Variants in KMO observed in about 807,000 individuals in gnomAD.
KMO encodes the protein kynurenine 3-hydroxylase.
Under a neutral mutation model 57.8 loss-of-function variants are expected in KMO, and 24 were observed. The ratio of observed to expected loss-of-function variants is 0.42; its 90% CI spans 0.30 to 0.58. The LOEUF (loss-of-function observed/expected upper bound fraction) is 0.58, where lower values mean the gene tolerates loss of function less well. KMO is among the 20% of genes least tolerant of loss of function. The probability of loss-of-function intolerance (pLI) is 0.22; values close to 1 mark genes in which losing one functional copy is unlikely to be tolerated. For missense variants in KMO, 483 were observed against 588.2 expected, an observed-to-expected ratio of 0.82 and a Z score of 1.85; for synonymous variants, 210 against 193.6, an observed-to-expected ratio of 1.08 and a Z score of -0.70.
At chr1:241,563,232 A>G (rs1300773202) in intron 7 of KMO, among the ~76,000 whole-genome samples, 1 of 152,180 alleles carries the variant, frequency 6.6e-6, no homozygotes, top group Non-Finnish European at 1.5e-5. Context: ...TAATGTTTTC[A>G]TGTTGTCATA....
intron 5 of KMO, 92 bp from the exon 6 acceptor site, chr1:241,560,573 C>G: frequency 4.4e-6 from 4 of 903,644 alleles, no homozygotes; most frequent in South Asian, 1.4e-5. Context: ...CTCTACCATA[C>G]TGTTCCCAGA....
chr1:241,557,280 G>A (rs1054124678), intron 5 of KMO, among the ~76,000 whole-genome samples: 8 of 152,188 alleles, frequency 5.3e-5, no homozygotes, highest in African/African-American at 1.9e-4. Context: ...CTACACTGTA[G>A]TTGCTTTTCC....
At chr1:241,539,075 T>C (rs561654238) in intron 1 of KMO, among the ~76,000 whole-genome samples, 2 of 152,214 alleles carry the variant, frequency 1.3e-5, no homozygotes, top group East Asian at 3.9e-4. Flanking sequence ...TATACACATC[T>C]GTAGTCTTAA....
intron 14 of KMO, among the ~76,000 whole-genome samples, chr1:241,591,245 G>C (rs1377960367): frequency 6.6e-6 from 1 of 152,124 alleles, no homozygotes; most frequent in Admixed American, 6.5e-5. Context: ...ATCCTTCAAG[G>C]AGGGATAAAA....
intron 2 of KMO, among the ~76,000 whole-genome samples, chr1:241,549,249 GAAA>G (rs1558414859): frequency 1.8e-3 from 46 of 24,994 alleles, no homozygotes; most frequent in African/African-American, 4.2e-3. Flanking sequence ...AAGAAAGAAA[GAAA>G]GAAAGAAAGA....
chr1:241,535,438 C>T (rs1660723287), intron 1 of KMO, among the ~76,000 whole-genome samples: 2 of 152,044 alleles, frequency 1.3e-5, no homozygotes, highest in African/African-American at 4.8e-5. Flanking sequence ...GGTAGCTTAC[C>T]ATGTCTAGTA....
At chr1:241,559,160 C>T (rs954791574) in intron 5 of KMO, among the ~76,000 whole-genome samples, 1 of 151,764 alleles carries the variant, frequency 6.6e-6, no homozygotes, top group African/African-American at 2.4e-5. Flanking sequence ...AATATGTAAT[C>T]AATATCAGAA....
At position 241,595,154 on chromosome 1, in the gene KMO, T is replaced by C. The variant is rs1663462900; in HGVS notation, c.*3001T>C. ...AATGTCTCTTTAATTAGGTGAAGAA[T>C]TTTTTTTTTCTATCGAAATTACTAA... On this transcript the variant is annotated 3_prime_UTR_variant, in exon 15 of 15. Transcript: ENST00000366559. 6.6e-6 allele frequency: 1 copy of C among 151,770 alleles called. No homozygotes were observed. Among genetic ancestry groups the C allele is most frequent in the South Asian group, 2.1e-4 (1 of 4,782 alleles). 9.4% of individuals were successfully genotyped at this position (151,770 alleles called of 1,614,324 possible). A position where few individuals can be genotyped will look rare whatever the true frequency, so the allele number is the denominator to read the frequency against.
intron 10 of KMO, among the ~76,000 whole-genome samples, chr1:241,568,973 A>G (rs1327881418): frequency 6.6e-6 from 1 of 152,160 alleles, no homozygotes; most frequent in Non-Finnish European, 1.5e-5. Context: ...GTTTTTGTAT[A>G]TAACCTACAG....
intron 1 of KMO, among the ~76,000 whole-genome samples, chr1:241,540,349 T>C (rs1002923293): frequency 1.3e-5 from 2 of 151,976 alleles, no homozygotes; most frequent in African/African-American, 4.8e-5. Context: ...ACTTGAGACA[T>C]TAAAACACAT....
At chr1:241,583,773 T>C (rs1248265860) in intron 10 of KMO, among the ~76,000 whole-genome samples, 1 of 150,478 alleles carries the variant, frequency 6.6e-6, no homozygotes, top group Non-Finnish European at 1.5e-5. Context: ...TGAGTCCATA[T>C]ATCCAGAACT....
chr1:241,539,666 A>G (rs961958234), intron 1 of KMO, among the ~76,000 whole-genome samples: 6 of 152,104 alleles, frequency 3.9e-5, no homozygotes, highest in Non-Finnish European at 7.4e-5. Context: ...TACGCTCTAG[A>G]CCATCAATAT....
chr1:241,562,077 A>C (rs959388567), intron 6 of KMO, 90 bp from the exon 7 acceptor site: 26 of 1,043,668 alleles, frequency 2.5e-5, no homozygotes, highest in Non-Finnish European at 3.4e-5. Flanking sequence ...TAAGTTATCT[A>C]TGGAGCCACT....
rs1663437126 is a variant in KMO, at chr1:241,594,510, G to C, written c.*2357G>C. 6 of 1,614,012 alleles carry C rather than the reference G, an allele frequency of 3.7e-6. No homozygotes were observed. Among genetic ancestry groups the C allele is most frequent in the Non-Finnish European group, 4.2e-6 (5 of 1,179,910 alleles). On this transcript the variant is annotated 3_prime_UTR_variant, in exon 15 of 15. Coordinates refer to ENST00000366559, the MANE Select transcript of KMO (RefSeq NM_003679.5). ...GTCAACTGACAGTGATTCATCACTGGTGATGATAAAAATGATGGAAGAAGA... is the reference window on the plus strand; with the variant it reads ...GTCAACTGACAGTGATTCATCACTGCTGATGATAAAAATGATGGAAGAAGA...
intron 10 of KMO, among the ~76,000 whole-genome samples, chr1:241,569,753 T>G (rs1343954921): frequency 3.9e-5 from 6 of 152,142 alleles, no homozygotes; most frequent in African/African-American, 1.4e-4. Context: ...CCATAGTGGT[T>G]GTACTAATTT....
In KMO at chr1:241,555,668, T is replaced by C. The variant is rs374180915; in HGVS notation, c.361+8T>C. 4.5e-4 allele frequency: 676 copies of C among 1,512,936 alleles called. 12 individuals carry two copies. In the South Asian group the frequency reaches 7.3e-3, roughly 16 times the overall value. The allele number at this position is 1,512,936 out of a possible 1,614,324, so 93.7% of individuals were successfully genotyped here. On this transcript the variant is annotated splice_region_variant and intron_variant, in intron 5 of 14. Transcript: ENST00000366559. The stretch of plus-strand genomic sequence containing the variant: ...ACAAGGATCTATTGACTGGTAAGTC[T>C]AATGTTTGATTCATCAGTTGTCATT...
chr1:241,579,868 A>G (rs984523810), intron 10 of KMO, among the ~76,000 whole-genome samples: 1 of 152,168 alleles, frequency 6.6e-6, no homozygotes, highest in African/African-American at 2.4e-5. Flanking sequence ...TGCCTGAGTT[A>G]GCTTGCAGAC....
chr1:241,569,855 G>A (rs1045117791), intron 10 of KMO, among the ~76,000 whole-genome samples: 1 of 152,076 alleles, frequency 6.6e-6, no homozygotes, highest in Non-Finnish European at 1.5e-5. Flanking sequence ...TATAACTGAA[G>A]TGAGATAATA....
At chr1:241,568,745 T>A (rs1662171534) in intron 10 of KMO, 98 bp downstream of exon 10, 1 of 1,129,422 alleles carries the variant, frequency 8.9e-7, no homozygotes, top group African/African-American at 1.6e-5. Context: ...TATCCCCACA[T>A]AATCCCTGAA....
Sources: allele counts gnomAD v4.1 joint callset (sites outside exome capture counted in the v4.1 genomes callset), GRCh38; gene constraint gnomAD v4.1.1; transcripts MANE v1.5; gene names NCBI Gene and HGNC (gene_info 2026-07-23, HGNC 2026-07-21).